AAK1: variants seen among roughly 807,000 people sequenced by gnomAD.
The protein encoded by AAK1 is AP2-associated protein kinase 1.
AAK1 carries 37 observed loss-of-function variants against 116.0 expected under a neutral mutation model. That is an observed-to-expected ratio of 0.32 (90% confidence interval 0.25 to 0.42). The LOEUF (loss-of-function observed/expected upper bound fraction) is 0.42. AAK1 is among the 10% of genes least tolerant of loss of function. The pLI is 1.00. For synonymous variants in AAK1, 458 were observed against 439.9 expected, an observed-to-expected ratio of 1.04 and a Z score of -0.51; for missense variants, 919 against 1,170.6, an observed-to-expected ratio of 0.79 and a Z score of 3.14.
intron 5 of AAK1, 32 bp from the exon 6 acceptor site, chr2:69,532,194 G>A: frequency 1.9e-6 from 3 of 1,610,878 alleles, no homozygotes; most frequent in Non-Finnish European, 2.5e-6. Flanking sequence ...CCCATTCCAA[G>A]ATATCATTTA....
chr2:69,479,784 C>T (rs1049864143), intron 19 of AAK1, among the ~76,000 whole-genome samples: 1 of 152,152 alleles, frequency 6.6e-6, no homozygotes, highest in African/African-American at 2.4e-5. Context: ...GAGACGGAGT[C>T]TCGCTCCAGC....
At chr2:69,590,287 G>A (rs542512798) in intron 2 of AAK1, among the ~76,000 whole-genome samples, 2 of 152,310 alleles carry the variant, frequency 1.3e-5, no homozygotes, top group Admixed American at 6.5e-5. Context: ...CCCACTTTTC[G>A]TTGGTATTTT....
At position 69,466,201 on chromosome 2, in the gene AAK1, T is replaced by G; in HGVS notation, c.*9668A>C. The G allele has an allele frequency of 7.8e-7, 1 of 1,289,822 alleles. No individual in the cohort carries two copies. The highest frequency in any genetic ancestry group is 1.2e-5 in the South Asian group (1 of 81,028). 79.9% of individuals were successfully genotyped at this position (1,289,822 alleles called of 1,614,324 possible). A position where few individuals can be genotyped will look rare whatever the true frequency, so the allele number is the denominator to read the frequency against. On this transcript the variant is annotated 3_prime_UTR_variant, in exon 22 of 22. Coordinates refer to ENST00000409085, the MANE Select transcript of AAK1 (RefSeq NM_014911.5). ...TTCTTTCTTCCACCTTGCACTGTCT[T>G]TGCTTGCTCAGGAGAGACTTCTGGT...
At chr2:69,536,256 C>G (rs1210750043) in intron 5 of AAK1, among the ~76,000 whole-genome samples, 1 of 152,158 alleles carries the variant, frequency 6.6e-6, no homozygotes, top group Non-Finnish European at 1.5e-5. Flanking sequence ...AGACAGCAGA[C>G]TGAGGAAGGG....
intron 12 of AAK1, among the ~76,000 whole-genome samples, chr2:69,515,097 A>T (rs570356851): frequency 6.6e-6 from 1 of 152,192 alleles, no homozygotes; most frequent in East Asian, 1.9e-4. Flanking sequence ...ACGATCTCCT[A>T]ATCATAGAGG....
intron 2 of AAK1, among the ~76,000 whole-genome samples, chr2:69,641,221 C>T (rs998046096): frequency 1.3e-5 from 2 of 152,222 alleles, no homozygotes; most frequent in Non-Finnish European, 2.9e-5. Context: ...CTGAACAAAA[C>T]GCTCGTGGGC....
At position 69,465,882 on chromosome 2, in the gene AAK1, A is replaced by AG; in HGVS notation, c.*9986dup. 2.3e-6 allele frequency: 3 copies of AG among 1,290,862 alleles called. No homozygotes were observed. The South Asian group carries it at 3.7e-5, about 16-fold the overall frequency. 80.0% of individuals were successfully genotyped at this position (1,290,862 alleles called of 1,614,324 possible). On this transcript the variant is annotated 3_prime_UTR_variant, in exon 22 of 22. Coordinates refer to ENST00000409085, the MANE Select transcript of AAK1 (RefSeq NM_014911.5). Reference sequence around the variant, plus strand: ...CACAGCTCTCTCACGGCCCGCGGGCAGGGGGACATCACCTGTCTGACTGAG... The same window carrying AG: ...CACAGCTCTCTCACGGCCCGCGGGCAGGGGGGACATCACCTGTCTGACTGAG...
chr2:69,481,005 G>C, intron 18 of AAK1, 44 bp from the exon 19 acceptor site: 1 of 1,435,474 alleles, frequency 7.0e-7, no homozygotes, highest in Non-Finnish European at 9.4e-7. Flanking sequence ...TAAGGGAAAG[G>C]GAGTCAGAAG....
chr2:69,483,077 G>A (rs1206715997), intron 17 of AAK1, among the ~76,000 whole-genome samples: 1 of 152,088 alleles, frequency 6.6e-6, no homozygotes, highest in Non-Finnish European at 1.5e-5. Flanking sequence ...TTTATTTGAG[G>A]TGTAATTTGC....
In AAK1 at chr2:69,474,675, A is replaced by G; in HGVS notation, c.*1194T>C. On this transcript the variant is annotated 3_prime_UTR_variant, in exon 22 of 22. Coordinates refer to ENST00000409085, the MANE Select transcript of AAK1 (RefSeq NM_014911.5). The stretch of plus-strand genomic sequence containing the variant: ...CAGCTTGTCAGCACACTTATTTCTG[A>G]TTATCTGAAAATAAACAACATGCTT... 1 of 985,796 alleles carries G rather than the reference A, an allele frequency of 1.0e-6. No individual in the cohort carries two copies. The highest frequency in any genetic ancestry group is 1.2e-6 in the Non-Finnish European group (1 of 829,920). The allele number at this position is 985,796 out of a possible 1,614,324, so 61.1% of individuals were successfully genotyped here. A position where few individuals can be genotyped will look rare whatever the true frequency, so the allele number is the denominator to read the frequency against.
At chr2:69,539,511 C>T (rs948045420) in intron 5 of AAK1, among the ~76,000 whole-genome samples, 1 of 152,352 alleles carries the variant, frequency 6.6e-6, no homozygotes, top group Admixed American at 6.5e-5. Flanking sequence ...ACACTCTTCT[C>T]CAAGGCAGGC....
intron 19 of AAK1, among the ~76,000 whole-genome samples, chr2:69,479,754 C>CA (rs552364410): frequency 6.5e-4 from 99 of 152,216 alleles, no homozygotes; most frequent in Non-Finnish European, 1.2e-3. Context: ...GACAAAAACT[C>CA]AGAGTTTAAG....
intron 2 of AAK1, among the ~76,000 whole-genome samples, chr2:69,576,084 T>A (rs970476339): frequency 7.2e-5 from 11 of 152,140 alleles, no homozygotes; most frequent in Admixed American, 2.0e-4. Context: ...GAGCGGGGAA[T>A]AGCCTGGTCT....
Position 69,471,560 on chromosome 2 carries a change from C to A in AAK1, c.*4309G>T. ...GCCAGGCAGCCTCTAATTTGCTTAA[C>A]CCGGCACACTGGGCAATCCTGTCAT... On this transcript the variant is annotated 3_prime_UTR_variant, in exon 22 of 22. Coordinates refer to ENST00000409085, the MANE Select transcript of AAK1 (RefSeq NM_014911.5). The A allele has an allele frequency of 1.0e-6, 1 of 985,418 alleles. No individual in the cohort carries two copies. Among genetic ancestry groups the A allele is most frequent in the Non-Finnish European group, 1.2e-6 (1 of 829,938 alleles). The allele number at this position is 985,418 out of a possible 1,614,324, so 61.0% of individuals were successfully genotyped here. A position where few individuals can be genotyped will look rare whatever the true frequency, so the allele number is the denominator to read the frequency against.
chr2:69,524,846 A>G (rs2105010399), intron 10 of AAK1, among the ~76,000 whole-genome samples, 187 bp downstream of exon 10: 1 of 152,168 alleles, frequency 6.6e-6, no homozygotes, highest in South Asian at 2.1e-4. Flanking sequence ...TGTAGATCAC[A>G]ATATTTCATG....
At position 69,514,719 on chromosome 2, in the gene AAK1, G is replaced by A. The variant is rs929662665; in HGVS notation, c.1528C>T (p.Pro510Ser). 1 of 1,606,460 alleles carries A rather than the reference G, an allele frequency of 6.2e-7. No homozygotes were observed. The highest frequency in any genetic ancestry group is 8.5e-7 in the Non-Finnish European group (1 of 1,175,042). ...ACCACAGGGAACTGAGCAATTGCTG[G>A]TTTCTGGGTTGCTGGATGTACTGCC... is the stretch of plus-strand genomic sequence containing the variant. ...FQAVHPATQK[P>S]AIAQFPVVSQ... Residue 510 changes from proline to serine, a missense_variant, in exon 13 of 22, where the codon CCA (proline) becomes TCA (serine). Pro to Ser is a moderately conservative substitution (Grantham distance 74). Coordinates refer to ENST00000409085, the MANE Select transcript of AAK1 (RefSeq NM_014911.5).
intron 2 of AAK1, among the ~76,000 whole-genome samples, chr2:69,596,643 A>G (rs59896563): frequency 0.11 from 17,435 of 152,228 alleles, 2,303 homozygotes; most frequent in African/African-American, 0.3. Context: ...GAAAGGACTC[A>G]CCATCTTAGA....
intron 2 of AAK1, among the ~76,000 whole-genome samples, chr2:69,585,484 G>A (rs1276405210): frequency 1.3e-5 from 2 of 152,184 alleles, no homozygotes; most frequent in African/African-American, 4.8e-5. Flanking sequence ...TGGGACAGTA[G>A]TTATGTTGGC....
intron 2 of AAK1, chr2:69,594,937 TCATAACGCCACTTTCCCTGGG>T (rs1293207421): frequency 1.0e-6 from 1 of 1,000,288 alleles, no homozygotes; most frequent in Non-Finnish European, 1.6e-6. Context: ...CTGCTTCCTG[TCATAACGCCACTTTCCCTGGG>T]CATACAGAGA....
Sources: allele counts gnomAD v4.1 joint callset (sites outside exome capture counted in the v4.1 genomes callset), GRCh38; gene constraint gnomAD v4.1.1; transcripts MANE v1.5; gene names NCBI Gene and HGNC (gene_info 2026-07-23, HGNC 2026-07-21).